NDUFAF5: variants seen among roughly 807,000 people sequenced by gnomAD.
NDUFAF5 encodes the protein NADH:ubiquinone oxidoreductase complex assembly factor 5, also known as arginine-hydroxylase NDUFAF5, mitochondrial.
In NDUFAF5, 34 loss-of-function variants were observed where a neutral mutation model predicts 48.9. The observed-to-expected ratio is 0.70, with a 90% CI of 0.53 to 0.93. NDUFAF5 has a LOEUF of 0.93. NDUFAF5 is among the 40% of genes least tolerant of loss of function. The pLI is 0.00. For synonymous variants in NDUFAF5, 153 were observed against 150.6 expected (o/e 1.02, Z -0.12); for missense variants, 428 against 427.5 (o/e 1.00, Z -0.01).
rs1241320698 is a variant in NDUFAF5, at chr20:13,817,701, G to T, written c.*491G>T. 1 of 453,718 alleles carries T rather than the reference G, an allele frequency of 2.2e-6. No homozygotes were observed. Among genetic ancestry groups the T allele is most frequent in the Admixed American group, 2.4e-5 (1 of 42,526 alleles). The allele number at this position is 453,718 out of a possible 1,614,324, so 28.1% of individuals were successfully genotyped here. ...ACCTTATTTCTTTTTTATCTCCATG[G>T]TGTGGGTGGGACCACCATGGTTTTA... On this transcript the variant is annotated 3_prime_UTR_variant, in exon 11 of 11. Coordinates refer to ENST00000378106, the MANE Select transcript of NDUFAF5 (RefSeq NM_024120.5).
chr20:13,809,321 CA>C (rs1985526920), intron 8 of NDUFAF5, among the ~76,000 whole-genome samples: 1 of 152,160 alleles, frequency 6.6e-6, no homozygotes, highest in Non-Finnish European at 1.5e-5. Flanking sequence ...AGGGTTTTGT[CA>C]GGGGGAAATG....
intron 5 of NDUFAF5, 44 bp downstream of exon 5, chr20:13,794,985 A>C: frequency 7.4e-7 from 1 of 1,357,500 alleles, no homozygotes; most frequent in East Asian, 2.3e-5. Flanking sequence ...TAAACAGATC[A>C]TTCTTGCCAT....
At chr20:13,805,612 T>G (rs1339728332) in intron 7 of NDUFAF5, among the ~76,000 whole-genome samples, 1 of 152,138 alleles carries the variant, frequency 6.6e-6, no homozygotes, top group African/African-American at 2.4e-5. Context: ...CTGTGAGGCA[T>G]GTATACAGTT....
Position 13,819,476 on chromosome 20 carries a change from C to G in NDUFAF5, c.*2266C>G, listed in dbSNP as rs1986833005. Reference sequence around the variant, plus strand: ...CTCCGCTTCCTGGGTTCAAGTGATTCTTCCTGCCTCAGCTTCCCAAGTAGC... The same window carrying G: ...CTCCGCTTCCTGGGTTCAAGTGATTGTTCCTGCCTCAGCTTCCCAAGTAGC... On this transcript the variant is annotated 3_prime_UTR_variant, in exon 11 of 11. Coordinates refer to ENST00000378106, the MANE Select transcript of NDUFAF5 (RefSeq NM_024120.5). 1 of 152,214 alleles carries G rather than the reference C, an allele frequency of 6.6e-6. No homozygotes were observed. Among genetic ancestry groups the G allele is most frequent in the East Asian group, 1.9e-4 (1 of 5,186 alleles). The allele number at this position is 152,214 out of a possible 1,614,324, so 9.4% of individuals were successfully genotyped here.
At chr20:13,801,758 A>T (rs1984184280) in intron 7 of NDUFAF5, 75 bp downstream of exon 7, 4 of 1,341,676 alleles carry the variant, frequency 3.0e-6, no homozygotes, top group South Asian at 1.2e-5. Flanking sequence ...AAGATAGAAA[A>T]CTGTATGTGT....
intron 6 of NDUFAF5, among the ~76,000 whole-genome samples, chr20:13,800,902 C>G (rs923038298): frequency 6.6e-6 from 1 of 152,190 alleles, no homozygotes; most frequent in Non-Finnish European, 1.5e-5. Flanking sequence ...TCTCCTCCTC[C>G]TCTAGGCTAG....
Position 13,785,254 on chromosome 20 carries a change from GC to G in NDUFAF5, c.189del (p.Glu64SerfsTer8). On this transcript the variant is annotated frameshift_variant, in exon 1 of 11. Transcript: ENST00000378106. LOFTEE classifies it high-confidence loss of function. ...RKQKNWAARQ[P>X]EPTKFDYLKE... Reference sequence around the variant, plus strand: ...AACAGAAGAACTGGGCAGCCCGGCAGCCCGAGCCGACCAAATTTGACTACCT... The same window carrying G: ...AACAGAAGAACTGGGCAGCCCGGCAGCCGAGCCGACCAAATTTGACTACCT... 2 of 1,612,870 alleles carry G rather than the reference GC, an allele frequency of 1.2e-6. No homozygotes were observed. The highest frequency in any genetic ancestry group is 1.7e-6 in the Non-Finnish European group (2 of 1,179,500).
intron 3 of NDUFAF5, among the ~76,000 whole-genome samples, chr20:13,790,180 G>A (rs1330153105): frequency 1.3e-5 from 2 of 152,166 alleles, no homozygotes; most frequent in Non-Finnish European, 2.9e-5. Flanking sequence ...AGAAGGCTGT[G>A]TTAAAGGCAT....
Position 13,816,459 on chromosome 20 carries a change from G to T in NDUFAF5, c.779-4G>T. ...ATCTCAAACTACCTGTAGTGTATTT[G>T]TAGGTATGGGTGAGAGTAACTGTGC... On this transcript the variant is annotated splice_region_variant and splice_polypyrimidine_tract_variant and intron_variant, in intron 8 of 10. Transcript: ENST00000378106. The T allele has an allele frequency of 6.2e-7, 1 of 1,608,624 alleles. No individual in the cohort carries two copies. Among genetic ancestry groups the T allele is most frequent in the Non-Finnish European group, 8.5e-7 (1 of 1,175,068 alleles).
Position 13,817,217 on chromosome 20 carries a change from A to C in NDUFAF5, c.*7A>C, listed in dbSNP as rs749039506. 22 of 1,598,258 alleles carry C rather than the reference A, an allele frequency of 1.4e-5. No individual in the cohort carries two copies. The highest frequency in any genetic ancestry group is 1.7e-5 in the Non-Finnish European group (20 of 1,165,704). On this transcript the variant is annotated 3_prime_UTR_variant, in exon 11 of 11. Coordinates refer to ENST00000378106, the MANE Select transcript of NDUFAF5 (RefSeq NM_024120.5). ...GGGGAAAAAATCACAATAAATATTT[A>C]TTCAGTGTTAATGTCGTCCAGAATT...
At chr20:13,788,434 C>G (rs894386474) in intron 2 of NDUFAF5, among the ~76,000 whole-genome samples, 155 bp from the exon 3 acceptor site, 1 of 152,102 alleles carries the variant, frequency 6.6e-6, no homozygotes, top group Non-Finnish European at 1.5e-5. Flanking sequence ...ACTGTAGGCT[C>G]TGGTATATAC....
chr20:13,814,967 C>T (rs1218981345), intron 8 of NDUFAF5, among the ~76,000 whole-genome samples: 2 of 152,118 alleles, frequency 1.3e-5, no homozygotes, highest in Non-Finnish European at 2.9e-5. Context: ...GCCCTGTGCT[C>T]TGCAGTAGTG....
chr20:13,786,049 G>A (rs921111834), intron 1 of NDUFAF5, among the ~76,000 whole-genome samples: 3 of 152,138 alleles, frequency 2.0e-5, no homozygotes, highest in Non-Finnish European at 4.4e-5. Context: ...TTTCTGATTT[G>A]TCTTGGCTCG....
chr20:13,801,134 G>GC (rs1268488059), intron 6 of NDUFAF5, among the ~76,000 whole-genome samples: 6 of 152,168 alleles, frequency 3.9e-5, no homozygotes, highest in African/African-American at 1.4e-4. Flanking sequence ...GGCCATAGAT[G>GC]CAGGGAGGTT....
At chr20:13,788,773 A>AT in intron 3 of NDUFAF5, 121 bp downstream of exon 3, 9 of 669,756 alleles carry the variant, frequency 1.3e-5, no homozygotes, top group South Asian at 5.6e-5. Flanking sequence ...AGAATTGTTA[A>AT]TTTGTTTTTT....
At chr20:13,804,461 G>T (rs1391045350) in intron 7 of NDUFAF5, among the ~76,000 whole-genome samples, 1 of 151,558 alleles carries the variant, frequency 6.6e-6, no homozygotes, top group Non-Finnish European at 1.5e-5. Context: ...TATATAGACA[G>T]TCATATGTAT....
At chr20:13,816,739 A>G (rs192238599) in intron 9 of NDUFAF5, 136 bp from the exon 10 acceptor site, 114 of 761,066 alleles carry the variant, frequency 1.5e-4, no homozygotes, top group Non-Finnish European at 2.6e-4. Flanking sequence ...AGTATTAAGA[A>G]TTTTTCATGT....
At chr20:13,787,225 T>G in intron 1 of NDUFAF5, 87 bp from the exon 2 acceptor site, 1 of 1,412,658 alleles carries the variant, frequency 7.1e-7, no homozygotes. Context: ...AAGTACTTAT[T>G]TTAAAACATA....
At chr20:13,793,941 T>C (rs1331647937) in intron 4 of NDUFAF5, among the ~76,000 whole-genome samples, 1 of 152,256 alleles carries the variant, frequency 6.6e-6, no homozygotes, top group African/African-American at 2.4e-5. Flanking sequence ...TTGGTATTTC[T>C]TGTGAATTTT....
Sources: allele counts gnomAD v4.1 joint callset (sites outside exome capture counted in the v4.1 genomes callset), GRCh38; gene constraint gnomAD v4.1.1; transcripts MANE v1.5; gene names NCBI Gene and HGNC (gene_info 2026-07-23, HGNC 2026-07-21).